MYO3B: variants seen among roughly 807,000 people sequenced by gnomAD.
MYO3B encodes the protein myosin IIIB.
Under a neutral mutation model 174.6 loss-of-function variants are expected in MYO3B, and 156 were observed. The observed-to-expected ratio is 0.89, with a 90% CI of 0.78 to 1.02. The LOEUF (loss-of-function observed/expected upper bound fraction) is 1.02. MYO3B is among the 50% of genes least tolerant of loss of function. The pLI is 0.00. For synonymous variants in MYO3B, 563 were observed against 569.1 expected (o/e 0.99, Z 0.15); for missense variants, 1,632 against 1,639.4 (o/e 1.00, Z 0.08).
At chr2:170,589,255 A>G (rs1425702976) in intron 32 of MYO3B, among the ~76,000 whole-genome samples, 1 of 152,216 alleles carries the variant, frequency 6.6e-6, no homozygotes, top group Non-Finnish European at 1.5e-5. Flanking sequence ...GTGGTGTATT[A>G]TCTGCTTACA....
intron 6 of MYO3B, among the ~76,000 whole-genome samples, chr2:170,225,729 C>G (rs981067133): frequency 2.0e-5 from 3 of 152,040 alleles, no homozygotes; most frequent in African/African-American, 7.2e-5. Context: ...CCCATATAAC[C>G]AGTAACCTCA....
intron 32 of MYO3B, among the ~76,000 whole-genome samples, chr2:170,633,695 A>ATGAT (rs1324860194): frequency 6.6e-6 from 1 of 152,208 alleles, no homozygotes; most frequent in Non-Finnish European, 1.5e-5. Flanking sequence ...CTGTTTGCAG[A>ATGAT]TGATTGTATA....
intron 6 of MYO3B, among the ~76,000 whole-genome samples, chr2:170,229,179 G>A (rs2092987437): frequency 6.6e-6 from 1 of 152,126 alleles, no homozygotes; most frequent in South Asian, 2.1e-4. Context: ...AAATCTTTAT[G>A]ATCAATAACA....
chr2:170,374,870 GATACC>G (rs1050243139), intron 9 of MYO3B, among the ~76,000 whole-genome samples: 1 of 151,846 alleles, frequency 6.6e-6, no homozygotes, highest in African/African-American at 2.4e-5. Flanking sequence ...AGATTTGATA[GATACC>G]ATTACCTGAT....
chr2:170,599,802 G>A (rs1215463661), intron 32 of MYO3B, among the ~76,000 whole-genome samples: 1 of 152,148 alleles, frequency 6.6e-6, no homozygotes, highest in Non-Finnish European at 1.5e-5. Context: ...ATTTTAGAGT[G>A]CTTGCCCTTA....
At chr2:170,411,479 TCTAAACATAG>T (rs1374101267) in intron 22 of MYO3B, among the ~76,000 whole-genome samples, 1 of 152,196 alleles carries the variant, frequency 6.6e-6, no homozygotes, top group Admixed American at 6.5e-5. Flanking sequence ...TCTAAACATA[TCTAAACATAG>T]AAAAGGTACA....
chr2:170,608,350 C>A (rs1694940545), intron 32 of MYO3B, among the ~76,000 whole-genome samples: 1 of 152,204 alleles, frequency 6.6e-6, no homozygotes, highest in Admixed American at 6.5e-5. Flanking sequence ...GAGTACAGTT[C>A]ATGGGCAACA....
Position 170,402,898 on chromosome 2 carries a change from A to G in MYO3B, c.2180A>G (p.Glu727Gly). ...NVGILDIFGF[E>G]NFQRNSFEQL... ...GGGATCTTGGATATCTTTGGATTCG[A>G]GAATTTTCAGAGAAATTCATTTGAG... Residue 727 changes from glutamate to glycine, a missense_variant, in exon 19 of 35, where the codon GAG becomes GGG. By Grantham distance (98) the Glu-to-Gly change is moderately conservative (BLOSUM62 -2). Coordinates refer to ENST00000408978, the MANE Select transcript of MYO3B (RefSeq NM_138995.5). 6.2e-7 allele frequency: 1 copy of G among 1,612,368 alleles called. No individual in the cohort carries two copies. The highest frequency in any genetic ancestry group is 8.5e-7 in the Non-Finnish European group (1 of 1,178,646).
In MYO3B at chr2:170,241,048, G is replaced by A. The variant is rs114436880; in HGVS notation, c.749+4912G>A. The stretch of plus-strand genomic sequence containing the variant: ...CCTTCCTTGCAAAGTTGTATCTCCC[G>A]TGTCAGGGCTATTTCTAGTATAGCC... On this transcript the variant is annotated intron_variant, in intron 7 of 34. Transcript: ENST00000408978. Among the ~76,000 whole-genome samples the A allele has an allele frequency of 6.7e-3, 1,013 of 151,972 alleles. 14 individuals carry two copies. The highest frequency in any genetic ancestry group is 0.024 in the African/African-American group (982 of 41,472).
At chr2:170,487,269 A>G (rs972675388) in intron 25 of MYO3B, among the ~76,000 whole-genome samples, 5 of 152,244 alleles carry the variant, frequency 3.3e-5, no homozygotes, top group African/African-American at 1.2e-4. Context: ...CCCCTAAAGT[A>G]TACTCATTGA....
chr2:170,340,064 A>G (rs2093967914), intron 8 of MYO3B: 1 of 152,152 alleles, frequency 6.6e-6, no homozygotes, highest in African/African-American at 2.4e-5. Flanking sequence ...AGATAAAAAT[A>G]ATTTTCATTT....
chr2:170,459,525 T>C (rs542734501), intron 23 of MYO3B, among the ~76,000 whole-genome samples: 64 of 152,206 alleles, frequency 4.2e-4, no homozygotes, highest in Non-Finnish European at 8.4e-4. Flanking sequence ...TAACTAGACA[T>C]AGAAGTTCTC....
chr2:170,644,098 C>A (rs1330532618), intron 32 of MYO3B, among the ~76,000 whole-genome samples: 1 of 152,146 alleles, frequency 6.6e-6, no homozygotes, highest in Non-Finnish European at 1.5e-5. Flanking sequence ...CGACAAAAGC[C>A]TCATTTGTGA....
At chr2:170,233,125 A>G (rs1559321029) in intron 6 of MYO3B, among the ~76,000 whole-genome samples, 1 of 152,242 alleles carries the variant, frequency 6.6e-6, no homozygotes, top group Non-Finnish European at 1.5e-5. Context: ...AAAGTTCTAG[A>G]CTATGGGTAC....
chr2:170,603,984 A>G (rs1001730589), intron 32 of MYO3B, among the ~76,000 whole-genome samples: 2 of 152,190 alleles, frequency 1.3e-5, no homozygotes, highest in African/African-American at 4.8e-5. Context: ...ATAATTGCCT[A>G]CAGTATTTTG....
intron 32 of MYO3B, among the ~76,000 whole-genome samples, chr2:170,566,118 A>G (rs1164445650): frequency 6.6e-6 from 1 of 152,204 alleles, no homozygotes; most frequent in Non-Finnish European, 1.5e-5. Flanking sequence ...TGGATTTTAA[A>G]GATGAAAACA....
chr2:170,517,266 G>T (rs1216793189), intron 29 of MYO3B, among the ~76,000 whole-genome samples: 1 of 152,190 alleles, frequency 6.6e-6, no homozygotes, highest in Admixed American at 6.5e-5. Context: ...GATGACTGAA[G>T]TGTAAATTAA....
At chr2:170,508,654 T>C (rs1048650152) in intron 28 of MYO3B, among the ~76,000 whole-genome samples, 1 of 152,224 alleles carries the variant, frequency 6.6e-6, no homozygotes, top group African/African-American at 2.4e-5. Flanking sequence ...CAGTAGACCA[T>C]GCCCTGCCAT....
rs1383576911 is a variant in MYO3B, at chr2:170,383,159, C to A, written c.1155C>A (p.Pro385=). 7 of 1,610,726 alleles carry A rather than the reference C, an allele frequency of 4.3e-6. No homozygotes were observed. The highest frequency in any genetic ancestry group is 1.1e-5 in the South Asian group (1 of 90,998). ...YVGDILIALN[P]FQNLSIYSPQ... ...GAGACATCTTAATTGCCTTAAACCC[C>A]TTCCAGAATCTAAGCATATACTCTC... is the stretch of plus-strand genomic sequence containing the variant. Residue 385 remains proline, a synonymous_variant, in exon 11 of 35, where the codon CCC becomes CCA. Coordinates refer to ENST00000408978, the MANE Select transcript of MYO3B (RefSeq NM_138995.5).
Sources: gnomAD v4.1 joint callset for allele counts (sites outside exome capture counted in the v4.1 genomes callset) on GRCh38, gnomAD v4.1.1 for gene constraint, MANE v1.5 for transcripts, NCBI Gene and HGNC (gene_info 2026-07-23, HGNC 2026-07-21) for gene names.